GLT1D1: variants seen among roughly 807,000 people sequenced by gnomAD.
GLT1D1 encodes glycosyltransferase 1 domain containing 1.
GLT1D1 carries 21 observed loss-of-function variants against 28.7 expected under a neutral mutation model. The observed-to-expected ratio is 0.73, with a 90% CI of 0.52 to 1.05. The LOEUF (loss-of-function observed/expected upper bound fraction) is 1.05, where lower values mean the gene tolerates loss of function less well. Ranked by LOEUF, GLT1D1 falls within the 50% of genes least tolerant of loss-of-function variation. The pLI is 0.00. For missense variants in GLT1D1, 343 were observed against 330.6 expected, an observed-to-expected ratio of 1.04 and a Z score of -0.29; for synonymous variants, 147 against 124.8, an observed-to-expected ratio of 1.18 and a Z score of -1.19.
At chr12:128,905,657 A>G (rs1270948413) in intron 4 of GLT1D1, among the ~76,000 whole-genome samples, 1 of 152,134 alleles carries the variant, frequency 6.6e-6, no homozygotes, top group Non-Finnish European at 1.5e-5. Flanking sequence ...TGTTGTTTAT[A>G]TCAGCCTTAA....
intron 6 of GLT1D1, among the ~76,000 whole-genome samples, chr12:128,952,737 A>C (rs1437578960): frequency 7.5e-6 from 1 of 133,932 alleles, no homozygotes; most frequent in Non-Finnish European, 1.5e-5. Flanking sequence ...GGCCTCCCAA[A>C]GTTCTGGGAT....
At chr12:128,950,074 T>A (rs1052767853) in intron 6 of GLT1D1, among the ~76,000 whole-genome samples, 1 of 151,946 alleles carries the variant, frequency 6.6e-6, no homozygotes, top group African/African-American at 2.4e-5. Context: ...TCTGTAAGTG[T>A]TTGTAAGTGT....
intron 7 of GLT1D1, among the ~76,000 whole-genome samples, chr12:128,966,042 T>C (rs1163069740): frequency 1.3e-5 from 2 of 152,252 alleles, no homozygotes; most frequent in Non-Finnish European, 2.9e-5. Flanking sequence ...AGGTAATTAA[T>C]GCATCACATT....
At chr12:128,926,596 A>G in intron 4 of GLT1D1, 142 bp downstream of exon 7, 1 of 541,962 alleles carries the variant, frequency 1.8e-6, no homozygotes, top group Non-Finnish European at 3.3e-6. Context: ...GCTACTTTGG[A>G]AAAGAACAGA....
chr12:128,967,137 G>A (rs1035899647), intron 7 of GLT1D1, among the ~76,000 whole-genome samples: 5 of 152,212 alleles, frequency 3.3e-5, no homozygotes, highest in African/African-American at 1.2e-4. Flanking sequence ...TTTGTATGGT[G>A]CACAGCTATA....
intron 1 of GLT1D1, among the ~76,000 whole-genome samples, chr12:128,870,024 C>T (rs12307902): frequency 0.026 from 3,988 of 151,192 alleles, 182 homozygotes; most frequent in African/African-American, 0.091. Context: ...AATTCTCCTG[C>T]CTCAGCCTCC....
At chr12:128,957,754 G>T in intron 7 of GLT1D1, 111 bp downstream of exon 11, 1 of 703,222 alleles carries the variant, frequency 1.4e-6, no homozygotes, top group African/African-American at 1.8e-5. Flanking sequence ...CCTACCCGGA[G>T]CCCTGCGGAG....
At position 128,973,179 on chromosome 12, in the gene GLT1D1, G is replaced by GTTTTT. The variant is rs61169176; in HGVS notation, c.640-9727_640-9723dup. On this transcript the variant is annotated intron_variant, in intron 7 of 7. Coordinates refer to ENST00000281703, the MANE Select transcript of GLT1D1 (RefSeq NM_144669.3). ...CTTTTCTGTTTTGTTTGTTTGCTTG[G>GTTTTT]TTTTTTTTTTTTTTTTTTTTTTTTT... 9.4e-4 allele frequency among the ~76,000 whole-genome samples: 48 copies of GTTTTT among 50,986 alleles called. 9 individuals carry two copies. The highest frequency in any genetic ancestry group is 2.3e-3 in the East Asian group (4 of 1,726). The allele number at this position is 50,986 out of a possible 152,430, so 33.4% of individuals were successfully genotyped here.
chr12:128,935,041 CT>C (rs1357508307), intron 4 of GLT1D1, among the ~76,000 whole-genome samples: 1 of 152,138 alleles, frequency 6.6e-6, no homozygotes, highest in Admixed American at 6.5e-5. Flanking sequence ...TTGTCCCCGC[CT>C]GGGTCATAGC....
Position 128,958,748 on chromosome 12 carries a change from C to CAA in GLT1D1, c.639+1133_639+1134dup, listed in dbSNP as rs71072431. Among the ~76,000 whole-genome samples, 73 of 42,654 alleles carry CAA rather than the reference C, an allele frequency of 1.7e-3. 4 individuals carry two copies. Among genetic ancestry groups the CAA allele is most frequent in the African/African-American group, 5.2e-3 (47 of 9,106 alleles). 28.0% of individuals were successfully genotyped at this position (42,654 alleles called of 152,430 possible). On this transcript the variant is annotated intron_variant, in intron 7 of 7. Transcript: ENST00000281703. ...TAGGCAACAGAGTGGGACTCTGCCT[C>CAA]AAAAAAAAAAAAAAAAAAAAAAAAA... is the stretch of plus-strand genomic sequence containing the variant.
At chr12:128,861,709 G>A (rs1328408268) in intron 1 of GLT1D1, among the ~76,000 whole-genome samples, 1 of 152,156 alleles carries the variant, frequency 6.6e-6, no homozygotes, top group African/African-American at 2.4e-5. Flanking sequence ...GATAATGGGG[G>A]CAGATCGGAG....
chr12:128,902,451 C>T (rs1234241516), intron 4 of GLT1D1, among the ~76,000 whole-genome samples: 2 of 148,526 alleles, frequency 1.3e-5, no homozygotes, highest in African/African-American at 5.0e-5. Context: ...TACCATTGCA[C>T]TCCAGCCAGG....
At chr12:128,885,475 G>A (rs1380363281) in intron 2 of GLT1D1, among the ~76,000 whole-genome samples, 3 of 152,090 alleles carry the variant, frequency 2.0e-5, no homozygotes, top group Admixed American at 2.0e-4. Flanking sequence ...CACCCGCCTC[G>A]GCCTTCCAAA....
chr12:128,899,607 T>A (rs1394970644), intron 4 of GLT1D1, among the ~76,000 whole-genome samples: 2 of 147,752 alleles, frequency 1.4e-5, no homozygotes, highest in Admixed American at 6.9e-5. Context: ...TGGAGTGCAA[T>A]GGCGTGATCT....
intron 1 of GLT1D1, among the ~76,000 whole-genome samples, chr12:128,855,746 C>CT (rs34715979): frequency 0.077 from 7,302 of 95,014 alleles, 374 homozygotes; most frequent in Middle Eastern, 0.12. Flanking sequence ...TGCTGGTTGC[C>CT]TTTTTTTTTT....
intron 4 of GLT1D1, among the ~76,000 whole-genome samples, chr12:128,915,820 CTCATTATG>C (rs1486373407): frequency 3.3e-5 from 5 of 152,188 alleles, no homozygotes; most frequent in African/African-American, 1.2e-4. Flanking sequence ...GCCTTCTTTG[CTCATTATG>C]TCAGTAGAAT....
chr12:128,969,412 C>G (rs1211836280), intron 7 of GLT1D1, among the ~76,000 whole-genome samples: 1 of 152,190 alleles, frequency 6.6e-6, no homozygotes, highest in Non-Finnish European at 1.5e-5. Context: ...CTGAGCCCCA[C>G]CCTGGGTGTA....
chr12:128,902,926 C>T (rs1481073745), intron 4 of GLT1D1, among the ~76,000 whole-genome samples: 1 of 151,036 alleles, frequency 6.6e-6, no homozygotes. Flanking sequence ...CACCTGTAGT[C>T]CCAGCTACTC....
intron 4 of GLT1D1, among the ~76,000 whole-genome samples, chr12:128,941,905 C>CTTTTTTTTTTTTTT (rs60663875): frequency 5.3e-5 from 4 of 75,364 alleles, no homozygotes; most frequent in Admixed American, 1.8e-4. Context: ...CTCTCTCTCT[C>CTTTTTTTTTTTTTT]TTTTTTTTTT....
Sources: allele counts gnomAD v4.1 joint callset (sites outside exome capture counted in the v4.1 genomes callset), GRCh38; gene constraint gnomAD v4.1.1; transcripts MANE v1.5; gene names NCBI Gene and HGNC (gene_info 2026-07-23, HGNC 2026-07-21).